Variants in NEGR1 observed in about 807,000 individuals in gnomAD.
NEGR1 encodes the protein neuronal growth regulator 1.
In NEGR1, 10 loss-of-function variants were observed where a neutral mutation model predicts 40.9. That is an observed-to-expected ratio of 0.24 (90% confidence interval 0.15 to 0.42). The LOEUF (loss-of-function observed/expected upper bound fraction) is 0.42. Among genes scored for constraint, NEGR1 ranks in the 10% least tolerant of loss-of-function variants. The pLI, the probability that NEGR1 is intolerant of heterozygous loss-of-function variation, is 1.00. For synonymous variants in NEGR1, 185 were observed against 166.8 expected, an observed-to-expected ratio of 1.11 and a Z score of -0.84; for missense variants, 352 against 438.9, an observed-to-expected ratio of 0.80 and a Z score of 1.77.
At chr1:72,113,803 C>G (rs1649477661) in intron 1 of NEGR1, among the ~76,000 whole-genome samples, 2 of 151,700 alleles carry the variant, frequency 1.3e-5, no homozygotes, top group Non-Finnish European at 2.9e-5. Context: ...GTCAGGCTGT[C>G]AGTTTCTCAG....
intron 2 of NEGR1, among the ~76,000 whole-genome samples, chr1:71,809,517 G>A (rs1398314256): frequency 1.3e-5 from 2 of 152,090 alleles, no homozygotes; most frequent in Non-Finnish European, 2.9e-5. Flanking sequence ...TGCCCTTCAA[G>A]TTTTTGCAAA....
chr1:71,859,657 T>C (rs1219808376), intron 2 of NEGR1, among the ~76,000 whole-genome samples: 2 of 152,034 alleles, frequency 1.3e-5, no homozygotes, highest in Admixed American at 1.3e-4. Flanking sequence ...AGATTGAATT[T>C]GCTGCCCCTA....
At chr1:72,148,841 G>A (rs923939302) in intron 1 of NEGR1, among the ~76,000 whole-genome samples, 5 of 152,006 alleles carry the variant, frequency 3.3e-5, no homozygotes, top group Non-Finnish European at 4.4e-5. Context: ...TGTTTATATC[G>A]CCTTCAGCAT....
intron 3 of NEGR1, among the ~76,000 whole-genome samples, chr1:71,726,435 G>A (rs1302100211): frequency 4.6e-5 from 7 of 152,086 alleles, no homozygotes; most frequent in Admixed American, 4.6e-4. Context: ...AACAAAAAGG[G>A]AAATTTACTG....
chr1:71,423,241 A>T (rs1374437130), intron 6 of NEGR1, among the ~76,000 whole-genome samples: 1 of 152,082 alleles, frequency 6.6e-6, no homozygotes, highest in African/African-American at 2.4e-5. Flanking sequence ...AATAAAAAAA[A>T]TTAAAAAGTG....
At chr1:72,229,808 C>G (rs998348054) in intron 1 of NEGR1, among the ~76,000 whole-genome samples, 1 of 152,028 alleles carries the variant, frequency 6.6e-6, no homozygotes, top group Non-Finnish European at 1.5e-5. Context: ...TCTGTTCCAA[C>G]AAGTAATTAA....
Position 72,026,077 on chromosome 1 carries a change from C to G in NEGR1, c.177-90766G>C, listed in dbSNP as rs1466923691. 5.6e-5 allele frequency among the ~76,000 whole-genome samples: 7 copies of G among 125,646 alleles called. No homozygotes were observed. In the South Asian group the frequency reaches 8.3e-4, roughly 15 times the overall value. 82.4% of individuals were successfully genotyped at this position (125,646 alleles called of 152,430 possible). ...AGTGAGCCGAGATCCCGCCACTGCA[C>G]TCCAGCCTGGGCGACAGAGCGAGAC... On this transcript the variant is annotated intron_variant, in intron 1 of 6. Transcript: ENST00000357731.
At chr1:72,214,165 C>G (rs1366485082) in intron 1 of NEGR1, among the ~76,000 whole-genome samples, 1 of 151,884 alleles carries the variant, frequency 6.6e-6, no homozygotes, top group African/African-American at 2.4e-5. Flanking sequence ...AAATTCAACA[C>G]CCCTTCATGA....
chr1:71,616,354 C>G (rs1302324756), intron 4 of NEGR1, among the ~76,000 whole-genome samples: 1 of 152,192 alleles, frequency 6.6e-6, no homozygotes, highest in Non-Finnish European at 1.5e-5. Context: ...CTATTGTGAA[C>G]TGCACATGCA....
chr1:71,851,897 CCTTA>C (rs774823224), intron 2 of NEGR1, among the ~76,000 whole-genome samples: 1 of 151,952 alleles, frequency 6.6e-6, no homozygotes, highest in Non-Finnish European at 1.5e-5. Context: ...AATTCACTTC[CCTTA>C]CTTGTAAAAT....
At chr1:72,275,574 A>T (rs1032690316) in intron 1 of NEGR1, among the ~76,000 whole-genome samples, 3 of 152,128 alleles carry the variant, frequency 2.0e-5, no homozygotes, top group Non-Finnish European at 4.4e-5. Context: ...GTAATGAATG[A>T]TATCAAGAAA....
At chr1:71,700,116 T>C (rs1653637085) in intron 3 of NEGR1, among the ~76,000 whole-genome samples, 2 of 152,152 alleles carry the variant, frequency 1.3e-5, no homozygotes, top group East Asian at 1.9e-4. Flanking sequence ...TTTATTTGTT[T>C]AGCCAATGAT....
At chr1:71,911,721 G>A (rs1661424497) in intron 2 of NEGR1, among the ~76,000 whole-genome samples, 1 of 152,130 alleles carries the variant, frequency 6.6e-6, no homozygotes, top group South Asian at 2.1e-4. Context: ...AAAATAAACA[G>A]GTATATTGAG....
intron 4 of NEGR1, among the ~76,000 whole-genome samples, chr1:71,674,343 A>G (rs543096466): frequency 2.0e-5 from 3 of 152,304 alleles, no homozygotes; most frequent in Non-Finnish European, 4.4e-5. Context: ...CATTAAATCA[A>G]TGAATCAAAT....
intron 2 of NEGR1, among the ~76,000 whole-genome samples, chr1:71,883,724 CCT>C (rs1467588449): frequency 1.5e-4 from 18 of 117,232 alleles, no homozygotes; most frequent in Admixed American, 5.0e-4. Context: ...ATCCCTCCCC[CCT>C]CCCCCCACCC....
At chr1:71,584,859 A>G (rs1252762303) in intron 6 of NEGR1, among the ~76,000 whole-genome samples, 1 of 152,206 alleles carries the variant, frequency 6.6e-6, no homozygotes, top group Non-Finnish European at 1.5e-5. Flanking sequence ...TAATAGTCAC[A>G]ACGCCATATA....
chr1:71,854,584 T>C (rs529778000), intron 2 of NEGR1, among the ~76,000 whole-genome samples: 1 of 152,102 alleles, frequency 6.6e-6, no homozygotes, highest in East Asian at 1.9e-4. Context: ...CGTGACTGGG[T>C]AAGTTATAAA....
chr1:72,234,230 G>A lies in NEGR1; in HGVS notation c.176+48089C>T, dbSNP rs180958669. On this transcript the variant is annotated intron_variant, in intron 1 of 6. Transcript: ENST00000357731. ...AGCTCCCACTAGTAAGCGAGAACAT[G>A]GGGTATTTGGTTTTCTGTTCCTGTG... Among the ~76,000 whole-genome samples the A allele has an allele frequency of 2.6e-4, 39 of 152,192 alleles. No individual in the cohort carries two copies. In the East Asian group the frequency reaches 7.2e-3, roughly 28 times the overall value.
intron 1 of NEGR1, among the ~76,000 whole-genome samples, chr1:71,983,497 G>C (rs931374171): frequency 6.6e-6 from 1 of 152,126 alleles, no homozygotes; most frequent in Non-Finnish European, 1.5e-5. Flanking sequence ...TCCTGCATTT[G>C]TAGAGCAAAG....
Sources: gnomAD v4.1 joint callset for allele counts (sites outside exome capture counted in the v4.1 genomes callset) on GRCh38, gnomAD v4.1.1 for gene constraint, MANE v1.5 for transcripts, NCBI Gene and HGNC (gene_info 2026-07-23, HGNC 2026-07-21) for gene names.